Variants in CDH20 observed in about 807,000 individuals in gnomAD.
The protein encoded by CDH20 is cadherin 20, also known as cadherin-20.
Under a neutral mutation model 74.2 loss-of-function variants are expected in CDH20, and 29 were observed. The observed-to-expected ratio is 0.39, with a 90% CI of 0.29 to 0.53. The LOEUF (loss-of-function observed/expected upper bound fraction) is 0.53, where lower values mean the gene tolerates loss of function less well. Ranked by LOEUF, CDH20 falls within the 20% of genes least tolerant of loss-of-function variation. The pLI, the probability that CDH20 is intolerant of heterozygous loss-of-function variation, is 0.69. For missense variants in CDH20, 988 were observed against 1,048.3 expected, an observed-to-expected ratio of 0.94 and a Z score of 0.79; for synonymous variants, 469 against 405.4, an observed-to-expected ratio of 1.16 and a Z score of -1.88.
At chr18:61,340,017 G>A (rs1909894160) in intron 1 of CDH20, among the ~76,000 whole-genome samples, 1 of 151,904 alleles carries the variant, frequency 6.6e-6, no homozygotes. Context: ...TTGACATGTA[G>A]CCCCCAACAC....
intron 1 of CDH20, among the ~76,000 whole-genome samples, chr18:61,345,270 T>A (rs1304402398): frequency 6.6e-6 from 1 of 152,168 alleles, no homozygotes; most frequent in Non-Finnish European, 1.5e-5. Flanking sequence ...TTGCAAAGTA[T>A]CAAGATGGTT....
Position 61,418,275 on chromosome 18 carries a change from C to T in CDH20, c.-152-72127C>T, listed in dbSNP as rs184376079. On this transcript the variant is annotated intron_variant, in intron 1 of 11. Transcript: ENST00000262717. ...CATTTCTAATCCTAAAACATCCTGG[C>T]CGGGCGTGGTGGCTCACGCCTGTAA... 2.5e-3 allele frequency among the ~76,000 whole-genome samples: 373 copies of T among 152,228 alleles called. 5 individuals are homozygous for T. The highest frequency in any genetic ancestry group is 8.7e-3 in the African/African-American group (360 of 41,526).
intron 1 of CDH20, among the ~76,000 whole-genome samples, chr18:61,389,173 G>T (rs1176951369): frequency 1.3e-5 from 2 of 152,120 alleles, no homozygotes; most frequent in Non-Finnish European, 2.9e-5. Flanking sequence ...GCTTTACATA[G>T]TAGGCTCCAG....
intron 1 of CDH20, among the ~76,000 whole-genome samples, chr18:61,343,903 A>G (rs767616027): frequency 1.2e-4 from 18 of 152,132 alleles, no homozygotes; most frequent in Non-Finnish European, 2.6e-4. Flanking sequence ...GAACTGCCCT[A>G]CAGTGAAGTG....
chr18:61,350,932 G>T (rs904913182), intron 1 of CDH20, among the ~76,000 whole-genome samples: 5 of 152,172 alleles, frequency 3.3e-5, no homozygotes, highest in African/African-American at 9.7e-5. Flanking sequence ...AAGGGAGGCA[G>T]GCAAATGTTC....
intron 11 of CDH20, among the ~76,000 whole-genome samples, chr18:61,550,462 T>TG (rs1454806810): frequency 6.6e-6 from 1 of 152,224 alleles, no homozygotes; most frequent in Non-Finnish European, 1.5e-5. Flanking sequence ...TACTATGAGC[T>TG]GGGGCACCAC....
chr18:61,401,195 T>C (rs1912141850), intron 1 of CDH20, among the ~76,000 whole-genome samples: 1 of 152,242 alleles, frequency 6.6e-6, no homozygotes, highest in Non-Finnish European at 1.5e-5. Flanking sequence ...AATATTTCCT[T>C]GTGCAATGTG....
chr18:61,403,362 C>T (rs1042158560), intron 1 of CDH20, among the ~76,000 whole-genome samples: 4 of 152,172 alleles, frequency 2.6e-5, no homozygotes, highest in African/African-American at 9.7e-5. Flanking sequence ...TACTCAAACT[C>T]ATGTAGAAAA....
At chr18:61,405,080 T>C in intron 1 of CDH20, 1 of 667,848 alleles carries the variant, frequency 1.5e-6, no homozygotes, top group South Asian at 1.4e-5. Context: ...CCAATTTTGC[T>C]TTGCCTTGTC....
intron 1 of CDH20, chr18:61,334,460 G>A (rs1909686244): frequency 6.6e-6 from 1 of 152,358 alleles, no homozygotes; most frequent in South Asian, 2.1e-4. Flanking sequence ...CCTGTCCTCG[G>A]GCCCTGACAC....
At chr18:61,417,737 T>G (rs1912738116) in intron 1 of CDH20, among the ~76,000 whole-genome samples, 1 of 152,070 alleles carries the variant, frequency 6.6e-6, no homozygotes, top group Non-Finnish European at 1.5e-5. Flanking sequence ...AGATCTACTG[T>G]TTGGTAGCAA....
chr18:61,361,099 G>A (rs1910677109), intron 1 of CDH20, among the ~76,000 whole-genome samples: 1 of 152,206 alleles, frequency 6.6e-6, no homozygotes, highest in African/African-American at 2.4e-5. Context: ...AACAAACCCT[G>A]TATGGTGACT....
intron 1 of CDH20, among the ~76,000 whole-genome samples, chr18:61,406,171 G>T (rs1490872851): frequency 6.6e-6 from 1 of 151,816 alleles, no homozygotes; most frequent in Non-Finnish European, 1.5e-5. Context: ...ACAAGCATTT[G>T]GGCCCATTTT....
chr18:61,455,280 T>G (rs1015230165), intron 1 of CDH20, among the ~76,000 whole-genome samples: 1 of 152,188 alleles, frequency 6.6e-6, no homozygotes, highest in South Asian at 2.1e-4. Context: ...AATCTTGGAA[T>G]AGTAAACAGA....
At chr18:61,385,898 C>G (rs1911581353) in intron 1 of CDH20, among the ~76,000 whole-genome samples, 1 of 149,696 alleles carries the variant, frequency 6.7e-6, no homozygotes, top group African/African-American at 2.5e-5. Flanking sequence ...CCACTGCACT[C>G]CAGCCTGGGC....
chr18:61,486,580 A>G (rs7236165), intron 1 of CDH20, among the ~76,000 whole-genome samples: 32,124 of 152,090 alleles, frequency 0.21, 4,153 homozygotes, highest in South Asian at 0.43. Context: ...ATGTTGATGC[A>G]CCTTATGGTA....
At chr18:61,384,049 CT>C (rs1399609203) in intron 1 of CDH20, among the ~76,000 whole-genome samples, 13 of 152,168 alleles carry the variant, frequency 8.5e-5, no homozygotes, top group Admixed American at 8.5e-4. Flanking sequence ...AACAAATCTG[CT>C]TATTCCTGTT....
intron 1 of CDH20, among the ~76,000 whole-genome samples, chr18:61,414,524 T>A (rs1048347003): frequency 1.3e-5 from 2 of 152,164 alleles, no homozygotes; most frequent in Non-Finnish European, 2.9e-5. Context: ...TAATATAGCC[T>A]GCATTGTATA....
intron 1 of CDH20, among the ~76,000 whole-genome samples, chr18:61,351,687 A>C (rs2144113382): frequency 6.6e-6 from 1 of 152,296 alleles, no homozygotes; most frequent in South Asian, 2.1e-4. Flanking sequence ...AGTTTTAAAA[A>C]GCAGCACCTT....
Sources: gnomAD v4.1 joint callset for allele counts (sites outside exome capture counted in the v4.1 genomes callset) on GRCh38, gnomAD v4.1.1 for gene constraint, MANE v1.5 for transcripts, NCBI Gene and HGNC (gene_info 2026-07-23, HGNC 2026-07-21) for gene names.